TRIM62: variants seen among roughly 807,000 people sequenced by gnomAD.
TRIM62 encodes the protein tripartite motif containing 62.
TRIM62 carries 39 observed loss-of-function variants against 44.2 expected under a neutral mutation model. That is an observed-to-expected ratio of 0.88 (90% confidence interval 0.68 to 1.15). TRIM62 has a LOEUF of 1.15. Ranked by LOEUF, TRIM62 falls within the 50% of genes most tolerant of loss-of-function variation. The pLI, the probability that TRIM62 is intolerant of heterozygous loss-of-function variation, is 0.00. For synonymous variants in TRIM62, 278 were observed against 292.3 expected, an observed-to-expected ratio of 0.95 and a Z score of 0.50; for missense variants, 544 against 665.5, an observed-to-expected ratio of 0.82 and a Z score of 2.01.
intron 1 of TRIM62, among the ~76,000 whole-genome samples, chr1:33,166,660 G>A (rs565688881): frequency 3.9e-5 from 6 of 152,262 alleles, no homozygotes; most frequent in South Asian, 2.1e-4. Flanking sequence ...ATTGGAACCC[G>A]GACAGCCTGG....
Position 33,159,937 on chromosome 1 carries a change from G to A in TRIM62, c.512C>T (p.Thr171Ile). 2 of 1,602,944 alleles carry A rather than the reference G, an allele frequency of 1.2e-6. No homozygotes were observed. The highest frequency in any genetic ancestry group is 1.6e-4 in the Middle Eastern group (1 of 6,062). ...GCCGATAGTGGTCCGCAGGCTCTTG[G>A]TGGAAGACTGTGGGGGACAGTCGTC... ...KRQLAETKSSTKSLRTTIGEA... is the reference protein window; with the variant it reads ...KRQLAETKSSIKSLRTTIGEA... The change falls in exon 3 of 5, where the codon ACC becomes ATC. Residue 171 changes from threonine (T) to isoleucine (I), a missense_variant. Transcript: ENST00000291416. This position sits in a 1 kb window ranked among gnomAD's most constrained non-coding sequence, Gnocchi z 4.2.
chr1:33,161,204 C>T lies in TRIM62; in HGVS notation c.505-1260G>A, dbSNP rs776623470. Among the ~76,000 whole-genome samples, 19 of 152,212 alleles carry T rather than the reference C, an allele frequency of 1.2e-4. No individual in the cohort carries two copies. Among genetic ancestry groups the T allele is most frequent in the Non-Finnish European group, 2.1e-4 (14 of 68,038 alleles). ...TATTGAAGACTGCAATTCTAATAAG[C>T]GTTTCCCGGAAGTCTTCATTGAGAG... is the stretch of plus-strand genomic sequence containing the variant. On this transcript the variant is annotated intron_variant, in intron 2 of 4. Coordinates refer to ENST00000291416, the MANE Select transcript of TRIM62 (RefSeq NM_018207.3). The surrounding 1 kb of genome is among the most constrained non-coding windows in gnomAD (Gnocchi z 4.3).
In TRIM62 at chr1:33,147,140, A is replaced by T. The variant is rs1168332949; in HGVS notation, c.*37T>A. ...CCTGGGCAGGGCTCTTGCAGGTGGCAGTGGTCCCAGGAGGTTGTGGTCTCC... is the reference window on the plus strand; with the variant it reads ...CCTGGGCAGGGCTCTTGCAGGTGGCTGTGGTCCCAGGAGGTTGTGGTCTCC... On this transcript the variant is annotated 3_prime_UTR_variant, in exon 5 of 5. Transcript: ENST00000291416. The surrounding 1 kb of genome is among the most constrained non-coding windows in gnomAD (Gnocchi z 8.1). The T allele has an allele frequency of 6.3e-7, 1 of 1,595,106 alleles. No homozygotes were observed. The highest frequency in any genetic ancestry group is 2.2e-5 in the East Asian group (1 of 44,732).
chr1:33,163,591 C>A (rs1016952471), intron 2 of TRIM62: 1 of 152,270 alleles, frequency 6.6e-6, no homozygotes, highest in Non-Finnish European at 1.5e-5. Context: ...GGGGAAACAG[C>A]CCCCACCCCA....
intron 2 of TRIM62, chr1:33,164,698 C>T (rs1295520576): frequency 6.6e-6 from 1 of 152,226 alleles, no homozygotes; most frequent in East Asian, 1.9e-4. Context: ...GGAGATGATA[C>T]CAGGGCTGGG....
chr1:33,180,590 C>T (rs966427895), intron 1 of TRIM62, among the ~76,000 whole-genome samples: 2 of 152,152 alleles, frequency 1.3e-5, no homozygotes, highest in African/African-American at 4.8e-5. Context: ...CTCAGCTACC[C>T]GGTTTAATAC....
At chr1:33,155,909 G>A (rs1035179509) in intron 4 of TRIM62, among the ~76,000 whole-genome samples, 3 of 152,150 alleles carry the variant, frequency 2.0e-5, no homozygotes, top group East Asian at 1.9e-4. Flanking sequence ...TTCTCTATCT[G>A]CAAACCTCTC....
At chr1:33,168,011 A>G (rs1645343591) in intron 1 of TRIM62, among the ~76,000 whole-genome samples, 1 of 152,206 alleles carries the variant, frequency 6.6e-6, no homozygotes, top group African/African-American at 2.4e-5. Context: ...AACAAGGAAA[A>G]TAATAAAGGA....
At chr1:33,154,800 A>G (rs942416795) in intron 4 of TRIM62, among the ~76,000 whole-genome samples, 1 of 127,734 alleles carries the variant, frequency 7.8e-6, no homozygotes, top group Non-Finnish European at 1.7e-5. Flanking sequence ...TCCGTATCCA[A>G]AAAAAAAAAG....
At position 33,178,758 on chromosome 1, in the gene TRIM62, C is replaced by T. The variant is rs570680664; in HGVS notation, c.408+2267G>A. 1.2e-4 allele frequency among the ~76,000 whole-genome samples: 18 copies of T among 152,358 alleles called. No homozygotes were observed. In the South Asian group the frequency reaches 3.7e-3, roughly 32 times the overall value. ...AAGTATGTCCAACCCCACAACAGTGCACTAGAGAGTAAGCAAGTGGCAGTC... is the reference window on the plus strand; with the variant it reads ...AAGTATGTCCAACCCCACAACAGTGTACTAGAGAGTAAGCAAGTGGCAGTC... On this transcript the variant is annotated intron_variant, in intron 1 of 4. Coordinates refer to ENST00000291416, the MANE Select transcript of TRIM62 (RefSeq NM_018207.3).
chr1:33,147,428 C>G lies in TRIM62; in HGVS notation c.1177G>C (p.Asp393His), dbSNP rs938072879. 6.2e-7 allele frequency: 1 copy of G among 1,614,128 alleles called. No individual in the cohort carries two copies. Among genetic ancestry groups the G allele is most frequent in the Non-Finnish European group, 8.5e-7 (1 of 1,180,042 alleles). Residue 393 changes from aspartate to histidine, a missense_variant, in exon 5 of 5, where the codon GAT becomes CAT. Asp to His is a moderately conservative substitution (Grantham distance 81). Coordinates refer to ENST00000291416, the MANE Select transcript of TRIM62 (RefSeq NM_018207.3). The surrounding 1 kb of genome is among the most constrained non-coding windows in gnomAD (Gnocchi z 8.1). Reference protein sequence around the residue: ...SRGFYCIVMHDGNQYSACTEP... With the variant: ...SRGFYCIVMHHGNQYSACTEP... ...GTGCAGGCGCTGTACTGGTTGCCAT[C>G]GTGCATCACGATGCAGTAGAAGCCG...
intron 1 of TRIM62, among the ~76,000 whole-genome samples, chr1:33,171,295 G>A (rs1005469920): frequency 6.6e-6 from 1 of 152,198 alleles, no homozygotes; most frequent in African/African-American, 2.4e-5. Flanking sequence ...GGCTGGAGGC[G>A]GATGTGGTTT....
intron 1 of TRIM62, among the ~76,000 whole-genome samples, chr1:33,175,001 GTATGTA>G (rs71006384): frequency 6.0e-4 from 81 of 135,668 alleles, no homozygotes; most frequent in East Asian, 4.0e-3. Context: ...ACACACACAT[GTATGTA>G]TATGTATATG....
At chr1:33,175,121 C>T (rs1645408201) in intron 1 of TRIM62, among the ~76,000 whole-genome samples, 1 of 151,714 alleles carries the variant, frequency 6.6e-6, no homozygotes, top group Non-Finnish European at 1.5e-5. Flanking sequence ...CTCACTGCAA[C>T]CTCTGCCTCC....
In TRIM62 at chr1:33,165,902, C is replaced by A. The variant is rs866890732; in HGVS notation, c.409-336G>T. The A allele has an allele frequency of 6.8e-5, 13 of 190,256 alleles. No individual in the cohort carries two copies. Among genetic ancestry groups the A allele is most frequent in the African/African-American group, 2.6e-4 (11 of 42,908 alleles). 11.8% of individuals were successfully genotyped at this position (190,256 alleles called of 1,614,324 possible). On this transcript the variant is annotated intron_variant, in intron 1 of 4. Transcript: ENST00000291416. This position sits in a 1 kb window ranked among gnomAD's most constrained non-coding sequence, Gnocchi z 4.0. ...TTAGAATTAAGGCAGGGGTCTCCAA[C>A]CCCCAGGCCACAGGTGGGTATTGGT...
chr1:33,150,241 C>T (rs1402554689), intron 4 of TRIM62, among the ~76,000 whole-genome samples: 1 of 152,232 alleles, frequency 6.6e-6, no homozygotes, highest in Non-Finnish European at 1.5e-5. Context: ...AGCTCTCTGG[C>T]TCTTTCCTTT....
chr1:33,170,400 A>G (rs2124744788), intron 1 of TRIM62, among the ~76,000 whole-genome samples: 1 of 152,072 alleles, frequency 6.6e-6, no homozygotes, highest in Non-Finnish European at 1.5e-5. Context: ...TTAAAACAAC[A>G]ACAACAAAAA....
At chr1:33,153,100 G>T (rs2124718181) in intron 4 of TRIM62, among the ~76,000 whole-genome samples, 1 of 152,320 alleles carries the variant, frequency 6.6e-6, no homozygotes, top group East Asian at 1.9e-4. Flanking sequence ...TGCTGGATGG[G>T]GTTCTCAGGT....
intron 4 of TRIM62, among the ~76,000 whole-genome samples, chr1:33,155,101 T>C (rs942427811): frequency 2.9e-5 from 4 of 137,664 alleles, no homozygotes; most frequent in Admixed American, 7.1e-5. Context: ...TCAAAAGGTC[T>C]CGCTCTGTCG....
Sources: gnomAD v4.1 joint callset for allele counts (sites outside exome capture counted in the v4.1 genomes callset) on GRCh38, gnomAD v4.1.1 for gene constraint, Gnocchi (gnomAD v3.1) non-coding constraint, MANE v1.5 for transcripts, NCBI Gene and HGNC (gene_info 2026-07-23, HGNC 2026-07-21) for gene names.